TRAPPC12: variants seen among roughly 807,000 people sequenced by gnomAD.
TRAPPC12 encodes the protein TPR repeat protein 15.
A neutral mutation model predicts 69.2 loss-of-function variants in TRAPPC12; 61 were observed. The ratio of observed to expected loss-of-function variants is 0.88; its 90% CI spans 0.72 to 1.09. The LOEUF (loss-of-function observed/expected upper bound fraction) is 1.09, where lower values mean the gene tolerates loss of function less well. TRAPPC12 is among the 50% of genes least tolerant of loss of function. TRAPPC12 has a pLI of 0.00. For missense variants in TRAPPC12, 1,101 were observed against 1,016.4 expected (o/e 1.08, Z -1.13); for synonymous variants, 469 against 438.9 (o/e 1.07, Z -0.86).
intron 3 of TRAPPC12, among the ~76,000 whole-genome samples, chr2:3,409,997 G>A (rs1347170964): frequency 6.6e-6 from 1 of 152,092 alleles, no homozygotes; most frequent in African/African-American, 2.4e-5. Context: ...AGCCCTCTGC[G>A]CCTCCACCTG....
intron 3 of TRAPPC12, among the ~76,000 whole-genome samples, chr2:3,410,186 C>A (rs1048372824): frequency 6.6e-6 from 1 of 152,224 alleles, no homozygotes; most frequent in Non-Finnish European, 1.5e-5. Flanking sequence ...GTAAATTGCT[C>A]ACTCTAATAG....
At chr2:3,464,022 C>T (rs538704892) in intron 8 of TRAPPC12, among the ~76,000 whole-genome samples, 1 of 152,100 alleles carries the variant, frequency 6.6e-6, no homozygotes, top group African/African-American at 2.4e-5. Flanking sequence ...GTGTGCAGGC[C>T]CCACAGCTGC....
At chr2:3,426,823 C>T (rs1343350771) in intron 5 of TRAPPC12, among the ~76,000 whole-genome samples, 6 of 152,238 alleles carry the variant, frequency 3.9e-5, no homozygotes, top group Non-Finnish European at 7.3e-5. Flanking sequence ...CCAGTCCGCA[C>T]GTAGGTGGTT....
At chr2:3,445,970 G>A (rs1475874153) in intron 6 of TRAPPC12, among the ~76,000 whole-genome samples, 1 of 152,204 alleles carries the variant, frequency 6.6e-6, no homozygotes, top group Non-Finnish European at 1.5e-5. Flanking sequence ...ACTCTTGAGG[G>A]GGCTTCCAAG....
intron 6 of TRAPPC12, among the ~76,000 whole-genome samples, chr2:3,449,834 T>C (rs1664756875): frequency 6.6e-6 from 1 of 152,066 alleles, no homozygotes; most frequent in Non-Finnish European, 1.5e-5. Flanking sequence ...AGAAAACAAA[T>C]TGATTGTGGC....
chr2:3,453,969 T>C (rs1664990205), intron 6 of TRAPPC12, among the ~76,000 whole-genome samples: 1 of 152,250 alleles, frequency 6.6e-6, no homozygotes, highest in Non-Finnish European at 1.5e-5. Flanking sequence ...ATGGATGCTC[T>C]TCTGCATCAC....
chr2:3,398,078 G>A (rs1261394732), intron 2 of TRAPPC12, among the ~76,000 whole-genome samples: 2 of 152,218 alleles, frequency 1.3e-5, no homozygotes, highest in East Asian at 3.8e-4. Context: ...ATGGACAGAA[G>A]CAAATTACTG....
At chr2:3,419,249 T>C (rs1216393579) in intron 3 of TRAPPC12, among the ~76,000 whole-genome samples, 2 of 152,316 alleles carry the variant, frequency 1.3e-5, no homozygotes, top group East Asian at 3.9e-4. Flanking sequence ...TGCCCCTGGA[T>C]ACAGAATCTG....
intron 4 of TRAPPC12, among the ~76,000 whole-genome samples, chr2:3,423,637 C>T (rs1323641555): frequency 6.6e-6 from 1 of 151,998 alleles, no homozygotes; most frequent in African/African-American, 2.4e-5. Context: ...AACGTCATGT[C>T]CCCTAGGCTC....
intron 9 of TRAPPC12, among the ~76,000 whole-genome samples, chr2:3,466,050 C>T (rs991197642): frequency 2.6e-5 from 4 of 152,202 alleles, no homozygotes; most frequent in Non-Finnish European, 5.9e-5. Context: ...TGATATTTTG[C>T]CTGAAATAAC....
At chr2:3,439,660 A>T (rs759098112) in intron 5 of TRAPPC12, among the ~76,000 whole-genome samples, 6 of 152,186 alleles carry the variant, frequency 3.9e-5, no homozygotes, top group Non-Finnish European at 8.8e-5. Flanking sequence ...CTTTAATACT[A>T]CGTTGGACAG....
intron 6 of TRAPPC12, among the ~76,000 whole-genome samples, chr2:3,453,487 C>T (rs1664963044): frequency 6.6e-6 from 1 of 152,222 alleles, no homozygotes; most frequent in South Asian, 2.1e-4. Flanking sequence ...GCACTGTTGC[C>T]TCATCTCTGT....
At chr2:3,474,196 T>C (rs1666191110) in intron 9 of TRAPPC12, among the ~76,000 whole-genome samples, 1 of 152,122 alleles carries the variant, frequency 6.6e-6, no homozygotes, top group Non-Finnish European at 1.5e-5. Context: ...ACAGGACTCA[T>C]AGAATAGATG....
chr2:3,471,508 C>A (rs1199206364), intron 9 of TRAPPC12, among the ~76,000 whole-genome samples: 1 of 152,182 alleles, frequency 6.6e-6, no homozygotes, highest in Admixed American at 6.5e-5. Flanking sequence ...CACACAGAGC[C>A]TCCTTTAGAG....
rs937920031 is a variant in TRAPPC12 at position 3,445,446 on chromosome 2, A to G, written c.1530+1555A>G. Among the ~76,000 whole-genome samples the G allele has an allele frequency of 2.6e-5, 4 of 152,224 alleles. No homozygotes were observed. In the East Asian group the frequency reaches 5.8e-4, roughly 22 times the overall value. The stretch of plus-strand genomic sequence containing the variant: ...TGAGAGGAGCCACTTAGCACTAGCT[A>G]TGAAGCAGCAGGGACGGTGGAGCAG... On this transcript the variant is annotated intron_variant, in intron 6 of 11. Coordinates refer to ENST00000324266, the MANE Select transcript of TRAPPC12 (RefSeq NM_016030.6).
At chr2:3,419,674 G>A (rs13020274) in intron 3 of TRAPPC12, among the ~76,000 whole-genome samples, 43,773 of 151,386 alleles carry the variant, frequency 0.29, 6,646 homozygotes, top group East Asian at 0.41. Context: ...ACAAGATAGA[G>A]TTTAAGAAAT....
chr2:3,388,774 A>G, intron 2 of TRAPPC12, 104 bp downstream of exon 2: 1 of 1,173,906 alleles, frequency 8.5e-7, no homozygotes, highest in South Asian at 1.7e-5. Flanking sequence ...CCTTGTTTTC[A>G]GTAATTCCTA....
intron 6 of TRAPPC12, chr2:3,455,303 C>A (rs541280148): frequency 6.6e-6 from 1 of 152,184 alleles, no homozygotes; most frequent in East Asian, 1.9e-4. Flanking sequence ...GCAGGCAATG[C>A]GTAATAATCC....
chr2:3,387,716 C>G lies in TRAPPC12; in HGVS notation c.93C>G (p.Phe31Leu). 1 of 1,598,796 alleles carries G rather than the reference C, an allele frequency of 6.3e-7. No homozygotes were observed. Among genetic ancestry groups the G allele is most frequent in the Middle Eastern group, 1.7e-4 (1 of 6,048 alleles). Reference protein sequence around the residue: ...LAPPEEQGLLFQEETIDLGGD... With the variant: ...LAPPEEQGLLLQEETIDLGGD... ...CTCCGGAGGAGCAGGGGTTGCTCTTCCAGGAGGAAACCATCGATCTTGGCG... is the reference window on the plus strand; with the variant it reads ...CTCCGGAGGAGCAGGGGTTGCTCTTGCAGGAGGAAACCATCGATCTTGGCG... The change falls in exon 2 of 12, where the codon TTC (phenylalanine) becomes TTG (leucine). Residue 31 changes from phenylalanine to leucine, a missense_variant. By Grantham distance (22) the Phe-to-Leu change is conservative. Coordinates refer to ENST00000324266, the MANE Select transcript of TRAPPC12 (RefSeq NM_016030.6).
Sources: gnomAD v4.1 joint callset for allele counts (sites outside exome capture counted in the v4.1 genomes callset) on GRCh38, gnomAD v4.1.1 for gene constraint, MANE v1.5 for transcripts, NCBI Gene and HGNC (gene_info 2026-07-23, HGNC 2026-07-21) for gene names.